The following KCNQ1 variants were observed in gnomAD, a reference collection of about 807,000 sequenced individuals.
KCNQ1 encodes the protein potassium voltage-gated channel subfamily KQT member 1.
A neutral mutation model predicts 72.4 loss-of-function variants in KCNQ1; 49 were observed. The observed-to-expected ratio is 0.68, with a 90% confidence interval of 0.54 to 0.86. KCNQ1 has a LOEUF of 0.86. Among genes scored for constraint, KCNQ1 ranks in the 40% least tolerant of loss-of-function variants. KCNQ1 has a pLI of 0.00. For missense variants in KCNQ1, 790 were observed against 945.1 expected, an observed-to-expected ratio of 0.84 and a Z score of 2.15; for synonymous variants, 450 against 412.6, an observed-to-expected ratio of 1.09 and a Z score of -1.10.
rs56200206 is a variant in KCNQ1 at position 2,759,122 on chromosome 11, TCC to T, written c.1515-9720_1515-9719del. Among the ~76,000 whole-genome samples, 1 of 149,326 alleles carries T rather than the reference TCC, an allele frequency of 6.7e-6. No homozygotes were observed. Among genetic ancestry groups the T allele is most frequent in the Non-Finnish European group, 1.5e-5 (1 of 67,366 alleles). On this transcript the variant is annotated intron_variant, in intron 11 of 15. Coordinates refer to ENST00000155840, the MANE Select transcript of KCNQ1 (RefSeq NM_000218.3). The surrounding 1 kb of genome is among the most constrained non-coding windows in gnomAD (Gnocchi z 4.4). The stretch of plus-strand genomic sequence containing the variant: ...GACCTCTTGGTACTTTTTTTTTTTT[TCC>T]CAACTTCCTAGGAGTCTATAATTGT...
At position 2,806,787 on chromosome 11, in the gene KCNQ1, G is replaced by A. The variant is rs541449534; in HGVS notation, c.1794+28750G>A. Among the ~76,000 whole-genome samples, 7 of 152,260 alleles carry A rather than the reference G, an allele frequency of 4.6e-5. No homozygotes were observed. In the South Asian group the frequency reaches 6.2e-4, roughly 14 times the overall value. On this transcript the variant is annotated intron_variant, in intron 15 of 15. Transcript: ENST00000155840. ...GGTGGCCCCCACCTGACCCCTCCCCGCCCCTCTCTTGTGCCCTGAGAGAAT... is the reference window on the plus strand; with the variant it reads ...GGTGGCCCCCACCTGACCCCTCCCCACCCCTCTCTTGTGCCCTGAGAGAAT...
Position 2,651,778 on chromosome 11 carries a change from G to C in KCNQ1, c.1394-10183G>C, listed in dbSNP as rs1849759990. 5.0e-6 allele frequency: 2 copies of C among 398,574 alleles called. No homozygotes were observed. The allele number at this position is 398,574 out of a possible 1,614,324, so 24.7% of individuals were successfully genotyped here. The stretch of plus-strand genomic sequence containing the variant: ...AAATTCCTCAAGTGTTGACCATTTT[G>C]ATTCCTGGGCCCCTTAAGAGTCCAT... On this transcript the variant is annotated intron_variant, in intron 10 of 15. Coordinates refer to ENST00000155840, the MANE Select transcript of KCNQ1 (RefSeq NM_000218.3). The surrounding 1 kb of genome is among the most constrained non-coding windows in gnomAD (Gnocchi z 6.1).
In KCNQ1 at chr11:2,783,185, T is replaced by A. The variant is rs1846852827; in HGVS notation, c.1794+5148T>A. 6.6e-6 allele frequency among the ~76,000 whole-genome samples: 1 copy of A among 152,160 alleles called. No individual in the cohort carries two copies. ...CATTTAATTTTAATCTTCATTCACT[T>A]TAGTATTTTTCTAATCTCCATTATG... On this transcript the variant is annotated intron_variant, in intron 15 of 15. Coordinates refer to ENST00000155840, the MANE Select transcript of KCNQ1 (RefSeq NM_000218.3). This position sits in a 1 kb window ranked among gnomAD's most constrained non-coding sequence, Gnocchi z 5.2.
chr11:2,661,770 G>A lies in KCNQ1; in HGVS notation c.1394-191G>A. ...CTTTATTCTCCTCAGACACTGAGGT[G>A]TCAGGCACTTTGGGGCCATCTTAAA... On this transcript the variant is annotated intron_variant, in intron 10 of 15. Transcript: ENST00000155840. This position sits in a 1 kb window ranked among gnomAD's most constrained non-coding sequence, Gnocchi z 5.9. 1 of 662,070 alleles carries A rather than the reference G, an allele frequency of 1.5e-6. No homozygotes were observed. Among genetic ancestry groups the A allele is most frequent in the South Asian group, 1.7e-5 (1 of 57,844 alleles). 41.0% of individuals were successfully genotyped at this position (662,070 alleles called of 1,614,324 possible).
chr11:2,641,845 C>T (rs1259241008), intron 10 of KCNQ1: 3 of 398,244 alleles, frequency 7.5e-6, no homozygotes, highest in South Asian at 1.3e-4. Flanking sequence ...TTTCATTTTT[C>T]ACATGGATAT....
At chr11:2,581,932 G>C (rs186923541) in intron 6 of KCNQ1, among the ~76,000 whole-genome samples, 3 of 152,218 alleles carry the variant, frequency 2.0e-5, no homozygotes, top group African/African-American at 4.8e-5. Flanking sequence ...GGAGAGCTCC[G>C]TGTGCAGCTG....
chr11:2,546,951 A>G (rs1473290516), intron 2 of KCNQ1, among the ~76,000 whole-genome samples: 1 of 152,210 alleles, frequency 6.6e-6, no homozygotes, highest in Non-Finnish European at 1.5e-5. Flanking sequence ...AGCATGGTAT[A>G]TATTTTACTC....
rs1321586567 is a variant in KCNQ1 at position 2,509,836 on chromosome 11, C to T, written c.387-18092C>T. ...TGTGGACAGGGAACCCTGGCGGGGC[C>T]GGCCAATGGTGGCGTGATGCAGCCT... On this transcript the variant is annotated intron_variant, in intron 1 of 15. Coordinates refer to ENST00000155840, the MANE Select transcript of KCNQ1 (RefSeq NM_000218.3). The surrounding 1 kb of genome is among the most constrained non-coding windows in gnomAD (Gnocchi z 6.3). 2.0e-5 allele frequency among the ~76,000 whole-genome samples: 3 copies of T among 152,120 alleles called. No homozygotes were observed. The highest frequency in any genetic ancestry group is 1.9e-4 in the East Asian group (1 of 5,188).
chr11:2,726,059 A>G (rs1044448155), intron 11 of KCNQ1, among the ~76,000 whole-genome samples: 5 of 152,262 alleles, frequency 3.3e-5, no homozygotes, highest in Admixed American at 2.6e-4. Context: ...AAGGGGCCCC[A>G]GGCAGCCATG....
At chr11:2,757,098 G>T (rs1272898479) in intron 11 of KCNQ1, among the ~76,000 whole-genome samples, 1 of 151,658 alleles carries the variant, frequency 6.6e-6, no homozygotes, top group Non-Finnish European at 1.5e-5. Context: ...AGTACTGGAA[G>T]TTCCAGCCAC....
rs58902386 is a variant in KCNQ1 at position 2,756,981 on chromosome 11, A to AAAAAAAAAAAAAAC, written c.1515-11863_1515-11862insAAAAAAAAAAAAAC. ...AAAAAAAAAAAAAAAAAAAAAAAAAACCCACAGCTAACATCACATCACACT... is the reference window on the plus strand; with the variant it reads ...AAAAAAAAAAAAAAAAAAAAAAAAAAAAAAAAAAAAAAACCCCACAGCTAACATCACATCACACT... On this transcript the variant is annotated intron_variant, in intron 11 of 15. Transcript: ENST00000155840. 4.3e-5 allele frequency among the ~76,000 whole-genome samples: 5 copies of AAAAAAAAAAAAAAC among 115,178 alleles called. 1 individual carries two copies. The highest frequency in any genetic ancestry group is 3.1e-4 in the East Asian group (1 of 3,262). The allele number at this position is 115,178 out of a possible 152,430, so 75.6% of individuals were successfully genotyped here.
intron 15 of KCNQ1, among the ~76,000 whole-genome samples, chr11:2,834,073 C>T (rs548621738): frequency 2.0e-5 from 3 of 152,218 alleles, no homozygotes; most frequent in Non-Finnish European, 4.4e-5. Context: ...CCCTTACACA[C>T]ACACACTGCT....
rs1846906467 is a variant in KCNQ1, at chr11:2,495,924, A to G, written c.387-32004A>G. Reference sequence around the variant, plus strand: ...TTTCTGTCTCATTGATCTGTCTAATATTGACAGTGGAGTGTTAAAGTCTCG... The same window carrying G: ...TTTCTGTCTCATTGATCTGTCTAATGTTGACAGTGGAGTGTTAAAGTCTCG... On this transcript the variant is annotated intron_variant, in intron 1 of 15. Transcript: ENST00000155840. This position sits in a 1 kb window ranked among gnomAD's most constrained non-coding sequence, Gnocchi z 4.6. 6.6e-6 allele frequency among the ~76,000 whole-genome samples: 1 copy of G among 152,158 alleles called. No individual in the cohort carries two copies. Among genetic ancestry groups the G allele is most frequent in the Non-Finnish European group, 1.5e-5 (1 of 68,032 alleles).
chr11:2,834,621 G>A (rs538453563), intron 15 of KCNQ1, among the ~76,000 whole-genome samples: 5 of 152,344 alleles, frequency 3.3e-5, no homozygotes, highest in South Asian at 2.1e-4. Flanking sequence ...GCAGGGAGGC[G>A]CTTGATGTCG....
At position 2,541,009 on chromosome 11, in the gene KCNQ1, G is replaced by A. The variant is rs974892948; in HGVS notation, c.477+12991G>A. 5.9e-5 allele frequency among the ~76,000 whole-genome samples: 9 copies of A among 152,234 alleles called. No homozygotes were observed. The highest frequency in any genetic ancestry group is 1.9e-4 in the African/African-American group (8 of 41,468). On this transcript the variant is annotated intron_variant, in intron 2 of 15. Coordinates refer to ENST00000155840, the MANE Select transcript of KCNQ1 (RefSeq NM_000218.3). The surrounding 1 kb of genome is among the most constrained non-coding windows in gnomAD (Gnocchi z 4.8). Reference sequence around the variant, plus strand: ...CACAGACATATGTGCACGGATGGGCGTGTGGACGTATGCACACATAGGTAC... The same window carrying A: ...CACAGACATATGTGCACGGATGGGCATGTGGACGTATGCACACATAGGTAC...
Position 2,642,582 on chromosome 11 carries a change from G to T in KCNQ1, c.1394-19379G>T, listed in dbSNP as rs1470500937. 2.5e-6 allele frequency: 1 copy of T among 397,506 alleles called. No homozygotes were observed. The highest frequency in any genetic ancestry group is 4.4e-6 in the Non-Finnish European group (1 of 225,614). The allele number at this position is 397,506 out of a possible 1,614,324, so 24.6% of individuals were successfully genotyped here. A position where few individuals can be genotyped will look rare whatever the true frequency, so the allele number is the denominator to read the frequency against. On this transcript the variant is annotated intron_variant, in intron 10 of 15. Coordinates refer to ENST00000155840, the MANE Select transcript of KCNQ1 (RefSeq NM_000218.3). This position sits in a 1 kb window ranked among gnomAD's most constrained non-coding sequence, Gnocchi z 4.3. The stretch of plus-strand genomic sequence containing the variant: ...CTCTCTTTTCTTCTTGGATAGTTTA[G>T]CCACTGGTTATTTTGTTTCTTTTCA...
intron 10 of KCNQ1, chr11:2,632,005 AC>A: frequency 2.5e-6 from 1 of 396,206 alleles, no homozygotes; most frequent in Non-Finnish European, 4.4e-6. Flanking sequence ...ACATGGTGAA[AC>A]CCCATCTCTA....
chr11:2,499,432 A>G (rs1465645287), intron 1 of KCNQ1, among the ~76,000 whole-genome samples: 3 of 152,048 alleles, frequency 2.0e-5, no homozygotes, highest in Admixed American at 2.0e-4. Flanking sequence ...AAATAATAAA[A>G]TGGCAAGAGT....
In KCNQ1 at chr11:2,612,424, AT is replaced by A; in HGVS notation, c.1393+23575del. 1 of 398,308 alleles carries A rather than the reference AT, an allele frequency of 2.5e-6. No individual in the cohort carries two copies. The highest frequency in any genetic ancestry group is 4.4e-6 in the Non-Finnish European group (1 of 226,008). 24.7% of individuals were successfully genotyped at this position (398,308 alleles called of 1,614,324 possible). ...TATGGTATCCAATGGGTATCTCTTC[AT>A]TTTTCTTCATTATTTTTCTTTCTAT... On this transcript the variant is annotated intron_variant, in intron 10 of 15. Transcript: ENST00000155840. This position sits in a 1 kb window ranked among gnomAD's most constrained non-coding sequence, Gnocchi z 5.5.
Sources: gnomAD v4.1 joint callset for allele counts (sites outside exome capture counted in the v4.1 genomes callset) on GRCh38, gnomAD v4.1.1 for gene constraint, Gnocchi (gnomAD v3.1) non-coding constraint, MANE v1.5 for transcripts, NCBI Gene and HGNC (gene_info 2026-07-23, HGNC 2026-07-21) for gene names.